ZSWIM5: variants seen among roughly 807,000 people sequenced by gnomAD.
The protein encoded by ZSWIM5 is zinc finger SWIM-type containing 5.
ZSWIM5 carries 55 observed loss-of-function variants against 119.6 expected under a neutral mutation model. That is an observed-to-expected ratio of 0.46 (90% CI 0.37 to 0.58). ZSWIM5 has a LOEUF of 0.58. Ranked by LOEUF, ZSWIM5 falls within the 20% of genes least tolerant of loss-of-function variation. ZSWIM5 has a pLI of 0.00. For missense variants in ZSWIM5, 1,193 were observed against 1,512.8 expected, an observed-to-expected ratio of 0.79 and a Z score of 3.51; for synonymous variants, 537 against 606.9, an observed-to-expected ratio of 0.88 and a Z score of 1.69.
chr1:45,036,458 G>A (rs1216640306), intron 8 of ZSWIM5, 159 bp from the exon 9 acceptor site: 4 of 585,250 alleles, frequency 6.8e-6, no homozygotes, highest in Non-Finnish European at 8.6e-6. Context: ...CGGTTCAAGC[G>A]ATTTTCCTGC....
chr1:45,073,875 T>C (rs1645239595), intron 2 of ZSWIM5, among the ~76,000 whole-genome samples: 1 of 151,972 alleles, frequency 6.6e-6, no homozygotes, highest in African/African-American at 2.4e-5. Context: ...GGGTCTGCCA[T>C]ATATGTCTTT....
chr1:45,065,734 G>A (rs926524659), intron 2 of ZSWIM5, among the ~76,000 whole-genome samples: 1 of 152,170 alleles, frequency 6.6e-6, no homozygotes, highest in African/African-American at 2.4e-5. Flanking sequence ...AAGGAAGTGA[G>A]TTAATATTTG....
At chr1:45,152,820 C>G (rs1645805081) in intron 1 of ZSWIM5, among the ~76,000 whole-genome samples, 1 of 151,950 alleles carries the variant, frequency 6.6e-6, no homozygotes, top group African/African-American at 2.4e-5. Flanking sequence ...AACAGACAAC[C>G]TACAGAATGG....
At chr1:45,200,356 G>T (rs1646151630) in intron 1 of ZSWIM5, among the ~76,000 whole-genome samples, 1 of 152,084 alleles carries the variant, frequency 6.6e-6, no homozygotes, top group Non-Finnish European at 1.5e-5. Flanking sequence ...TGTCCAAGAA[G>T]CATGCTGCCT....
chr1:45,157,154 GT>G (rs928904778), intron 1 of ZSWIM5, among the ~76,000 whole-genome samples: 2 of 148,078 alleles, frequency 1.4e-5, no homozygotes, highest in African/African-American at 2.5e-5. Context: ...TTTCAGTAAG[GT>G]TTTTTTTTTC....
chr1:45,106,675 C>A (rs1383334901), intron 1 of ZSWIM5, among the ~76,000 whole-genome samples: 1 of 152,164 alleles, frequency 6.6e-6, no homozygotes, highest in Admixed American at 6.5e-5. Context: ...AGCGCCTCCG[C>A]CAGGCTGCCC....
intron 1 of ZSWIM5, among the ~76,000 whole-genome samples, chr1:45,170,451 G>A (rs1351665110): frequency 6.7e-6 from 1 of 150,296 alleles, no homozygotes; most frequent in African/African-American, 2.4e-5. Flanking sequence ...TTGAGACAGG[G>A]TCTTGCTCTG....
Position 45,019,417 on chromosome 1 carries a change from T to G in ZSWIM5, c.2696-101A>C. 6.9e-7 allele frequency: 1 copy of G among 1,453,646 alleles called. No homozygotes were observed. Among genetic ancestry groups the G allele is most frequent in the Non-Finnish European group, 9.2e-7 (1 of 1,090,692 alleles). 90.0% of individuals were successfully genotyped at this position (1,453,646 alleles called of 1,614,324 possible). ...TTGAACTTGGCCTGCAGAGATGAAT[T>G]CTTCCTCCTCAGCAACCTTGAGATG... On this transcript the variant is annotated intron_variant, in intron 13 of 13. Coordinates refer to ENST00000359600, the MANE Select transcript of ZSWIM5 (RefSeq NM_020883.2). This position sits in a 1 kb window ranked among gnomAD's most constrained non-coding sequence, Gnocchi z 5.0.
intron 2 of ZSWIM5, among the ~76,000 whole-genome samples, chr1:45,068,107 C>CTTTTTT (rs71040545): frequency 8.8e-6 from 1 of 113,288 alleles, no homozygotes; most frequent in Admixed American, 1.1e-4. Context: ...TTTTTTTTTT[C>CTTTTTT]TTTTTTTTTT....
intron 1 of ZSWIM5, among the ~76,000 whole-genome samples, chr1:45,125,491 A>AC (rs397975270): frequency 3.3e-5 from 5 of 151,022 alleles, no homozygotes; most frequent in Admixed American, 6.6e-5. Context: ...ATCAAAAAAA[A>AC]CAAAAAAAAA....
chr1:45,037,349 G>A (rs970173139), intron 8 of ZSWIM5, among the ~76,000 whole-genome samples: 1 of 152,116 alleles, frequency 6.6e-6, no homozygotes, highest in Admixed American at 6.5e-5. Flanking sequence ...GACCTCAGGT[G>A]ATCTGCCTGC....
At chr1:45,182,888 C>A (rs1217198713) in intron 1 of ZSWIM5, among the ~76,000 whole-genome samples, 2 of 151,828 alleles carry the variant, frequency 1.3e-5, no homozygotes, top group Admixed American at 6.6e-5. Context: ...CAGCTCTGCA[C>A]CAAGCAGACC....
At chr1:45,160,863 C>G (rs891194443) in intron 1 of ZSWIM5, among the ~76,000 whole-genome samples, 1 of 150,616 alleles carries the variant, frequency 6.6e-6, no homozygotes, top group South Asian at 2.1e-4. Context: ...TCTTTGTCGC[C>G]CAGGCTGGAG....
chr1:45,182,417 AAC>A (rs1646027048), intron 1 of ZSWIM5, among the ~76,000 whole-genome samples: 2 of 150,022 alleles, frequency 1.3e-5, no homozygotes, highest in Non-Finnish European at 1.5e-5. Context: ...AAAACAAACA[AAC>A]AAACAAACAA....
chr1:45,091,158 GA>G (rs1309690222), intron 1 of ZSWIM5, among the ~76,000 whole-genome samples: 2 of 152,120 alleles, frequency 1.3e-5, no homozygotes, highest in Non-Finnish European at 2.9e-5. Context: ...ATGTAAAGGG[GA>G]TAAGAGACAA....
chr1:45,116,669 C>T (rs1035695723), intron 1 of ZSWIM5, among the ~76,000 whole-genome samples: 3 of 152,046 alleles, frequency 2.0e-5, no homozygotes, highest in South Asian at 4.1e-4. Flanking sequence ...GTATAACCTC[C>T]GAAAATGATA....
Position 45,088,895 on chromosome 1 carries a change from C to T in ZSWIM5, c.596-658G>A, listed in dbSNP as rs1645347344. ...ATAATTTTGAAATGTAGGGAGAACCCATTTTTAACGTAACAAAATTAAAAG... is the reference window on the plus strand; with the variant it reads ...ATAATTTTGAAATGTAGGGAGAACCTATTTTTAACGTAACAAAATTAAAAG... On this transcript the variant is annotated intron_variant, in intron 1 of 13. Transcript: ENST00000359600. This position sits in a 1 kb window ranked among gnomAD's most constrained non-coding sequence, Gnocchi z 4.2. 1.3e-5 allele frequency among the ~76,000 whole-genome samples: 2 copies of T among 152,040 alleles called. No homozygotes were observed. The highest frequency in any genetic ancestry group is 4.8e-5 in the African/African-American group (2 of 41,390).
intron 1 of ZSWIM5, among the ~76,000 whole-genome samples, chr1:45,135,670 T>C (rs1312189795): frequency 1.3e-5 from 2 of 152,228 alleles, no homozygotes; most frequent in Admixed American, 1.3e-4. Context: ...AATTTAATAA[T>C]CCTGATAAGA....
intron 1 of ZSWIM5, among the ~76,000 whole-genome samples, chr1:45,105,493 G>A (rs1377348509): frequency 6.7e-6 from 1 of 149,668 alleles, no homozygotes; most frequent in Non-Finnish European, 1.5e-5. Flanking sequence ...CCCCGAATGG[G>A]AAGTGAGGAG....
Sources: allele counts gnomAD v4.1 joint callset (sites outside exome capture counted in the v4.1 genomes callset), GRCh38; gene constraint gnomAD v4.1.1; non-coding constraint Gnocchi (gnomAD v3.1); transcripts MANE v1.5; gene names NCBI Gene and HGNC (gene_info 2026-07-23, HGNC 2026-07-21).